Variants in HMCN2 observed in about 807,000 individuals in gnomAD.
HMCN2 encodes hemicentin-2.
Under a neutral mutation model 377.5 loss-of-function variants are expected in HMCN2, and 325 were observed. The observed-to-expected ratio is 0.86, with a 90% CI of 0.79 to 0.94. HMCN2 has a LOEUF of 0.94. Among genes scored for constraint, HMCN2 ranks in the 40% least tolerant of loss-of-function variants. The pLI, the probability that HMCN2 is intolerant of heterozygous loss-of-function variation, is 0.00. For synonymous variants in HMCN2, 2,007 were observed against 2,046.8 expected, an observed-to-expected ratio of 0.98 and a Z score of 0.53; for missense variants, 4,543 against 4,725.3, an observed-to-expected ratio of 0.96 and a Z score of 1.13.
At chr9:130,314,501 G>A (rs1229616423) in intron 15 of HMCN2, among the ~76,000 whole-genome samples, 2 of 152,220 alleles carry the variant, frequency 1.3e-5, no homozygotes, top group Admixed American at 6.5e-5. Context: ...AGGAGTAAAG[G>A]CATCTTGTGG....
At chr9:130,322,292 T>TGTTAGCCCCACAG (rs1837891524) in intron 19 of HMCN2, among the ~76,000 whole-genome samples, 1 of 152,148 alleles carries the variant, frequency 6.6e-6, no homozygotes, top group African/African-American at 2.4e-5. Context: ...ATAAATTACA[T>TGTTAGCCCCACAG]AAAAATTATC....
intron 81 of HMCN2, 85 bp from the exon 82 acceptor site, chr9:130,405,870 C>T: frequency 9.7e-7 from 1 of 1,035,740 alleles, no homozygotes; most frequent in Non-Finnish European, 1.3e-6. Flanking sequence ...GCTGGATGCT[C>T]CATGAGAACC....
At chr9:130,397,078 C>G (rs541810233) in intron 73 of HMCN2, among the ~76,000 whole-genome samples, 12 of 152,290 alleles carry the variant, frequency 7.9e-5, no homozygotes, top group Admixed American at 6.5e-5. Flanking sequence ...TTTCACGTTG[C>G]TGATAAAGAC....
rs758117010 is a variant in HMCN2 at position 130,418,778 on chromosome 9, C to T, written c.12968C>T (p.Pro4323Leu). The T allele has an allele frequency of 1.3e-5, 18 of 1,435,018 alleles. No homozygotes were observed. The highest frequency in any genetic ancestry group is 1.8e-4 in the Middle Eastern group (1 of 5,478). 88.9% of individuals were successfully genotyped at this position (1,435,018 alleles called of 1,614,324 possible). A position where few individuals can be genotyped will look rare whatever the true frequency, so the allele number is the denominator to read the frequency against. ...KVVILVLQSA[P>L]VFQVEPQDMT... The stretch of plus-strand genomic sequence containing the variant: ...CCACCTGGGCCTCCCACAGGTGCTC[C>T]GGTGTTCCAGGTGGAGCCCCAGGAC... Residue 4323 changes from proline (P) to leucine (L), a missense_variant, in exon 86 of 98, where the codon CCG becomes CTG. Pro to Leu is a moderately conservative substitution (Grantham distance 98). Transcript: ENST00000683500.
At position 130,422,650 on chromosome 9, in the gene HMCN2, C is replaced by A. The variant is rs1354996726; in HGVS notation, c.13305C>A (p.Asn4435Lys). 16 of 1,326,588 alleles carry A rather than the reference C, an allele frequency of 1.2e-5. No individual in the cohort carries two copies. In the East Asian group the frequency reaches 4.3e-4, roughly 36 times the overall value. The allele number at this position is 1,326,588 out of a possible 1,614,324, so 82.2% of individuals were successfully genotyped here. The change falls in exon 87 of 98, where the codon AAC (asparagine) becomes AAA (lysine). Residue 4435 changes from asparagine to lysine, a missense_variant. Physicochemically the swap from Asn to Lys is moderately conservative, Grantham distance 94 (BLOSUM62 0). Around this residue, in one of 5 missense-constraint regions of HMCN2, gnomAD observed 1,155 missense variants for 1,157.7 expected, o/e 1.00. Transcript: ENST00000683500. This position sits in a 1 kb window ranked among gnomAD's most constrained non-coding sequence, Gnocchi z 4.2. ...GGAAATTTGGCGTGGCCACACTCAA[C>A]ACCAGCGTGATGCAGGAGGCACACT... ...NGRKFGVATL[N>K]TSVMQEAHSG... is the part of the protein sequence containing the mutation.
At position 130,402,881 on chromosome 9, in the gene HMCN2, T is replaced by G. The variant is rs951560735; in HGVS notation, c.11863T>G (p.Phe3955Val). 1 of 1,289,656 alleles carries G rather than the reference T, an allele frequency of 7.8e-7. No individual in the cohort carries two copies. The highest frequency in any genetic ancestry group is 2.3e-5 in the Admixed American group (1 of 43,560). The allele number at this position is 1,289,656 out of a possible 1,614,324, so 79.9% of individuals were successfully genotyped here. The change falls in exon 78 of 98, where the codon TTC (phenylalanine) becomes GTC (valine). Residue 3955 changes from phenylalanine to valine, a missense_variant. By Grantham distance (50) the Phe-to-Val change is conservative. Around this residue, in one of 5 missense-constraint regions of HMCN2, gnomAD observed 1,073 missense variants for 1,319.5 expected, o/e 0.81. Coordinates refer to ENST00000683500, the MANE Select transcript of HMCN2 (RefSeq NM_001291815.2). ...NSAGVAHKHV[F>V]LTVQASPVVK... ...TGCCGGCGTAGCCCACAAGCACGTC[T>G]TCCTCACTGTGCAAGGTAAGGGTCC...
Position 130,424,991 on chromosome 9 carries a change from G to T in HMCN2, c.13520-18G>T, listed in dbSNP as rs1385005890. 6.5e-7 allele frequency: 1 copy of T among 1,536,044 alleles called. No individual in the cohort carries two copies. The highest frequency in any genetic ancestry group is 2.5e-5 in the East Asian group (1 of 40,740). The stretch of plus-strand genomic sequence containing the variant: ...GACCTCCCGTGGTGACTCTGGGCTG[G>T]GTGGGGATGGTTTGCAGGGGAGCTG... On this transcript the variant is annotated intron_variant, in intron 88 of 97. Coordinates refer to ENST00000683500, the MANE Select transcript of HMCN2 (RefSeq NM_001291815.2).
Position 130,310,080 on chromosome 9 carries a change from T to G in HMCN2, c.2350+19T>G. 1 of 510,978 alleles carries G rather than the reference T, an allele frequency of 2.0e-6. No individual in the cohort carries two copies. The highest frequency in any genetic ancestry group is 4.1e-6 in the Non-Finnish European group (1 of 246,020). 31.7% of individuals were successfully genotyped at this position (510,978 alleles called of 1,614,324 possible). ...GTTGGACGTGAGTGTATACCTTGTC[T>G]CCCCCTCCCCTGCCCATTCCCCTTT... is the stretch of plus-strand genomic sequence containing the variant. On this transcript the variant is annotated intron_variant, in intron 15 of 97. Coordinates refer to ENST00000683500, the MANE Select transcript of HMCN2 (RefSeq NM_001291815.2).
At position 130,299,173 on chromosome 9, in the gene HMCN2, C is replaced by G. The variant is rs547987947; in HGVS notation, c.1161C>G (p.Gly387=). The stretch of plus-strand genomic sequence containing the variant: ...ATGGCTCCACCCATCAGCTGTGGGG[C>G]GGGCCGCCCTTCCACACCCCCAAGG... ...LSNGSTHQLW[G]GPPFHTPKER... The change falls in exon 8 of 98, where the codon GGC becomes GGG. Residue 387 remains glycine (G), a synonymous_variant. Transcript: ENST00000683500. 1 of 471,010 alleles carries G rather than the reference C, an allele frequency of 2.1e-6. No individual in the cohort carries two copies. The highest frequency in any genetic ancestry group is 2.3e-5 in the Admixed American group (1 of 42,560). The allele number at this position is 471,010 out of a possible 1,614,324, so 29.2% of individuals were successfully genotyped here. A position where few individuals can be genotyped will look rare whatever the true frequency, so the allele number is the denominator to read the frequency against.
At chr9:130,338,072 TGTCTCTCAG>T (rs1353128175) in intron 23 of HMCN2, 51 bp downstream of exon 23, 1 of 152,790 alleles carries the variant, frequency 6.5e-6, no homozygotes, top group African/African-American at 2.4e-5. Flanking sequence ...TCACCCTGCC[TGTCTCTCAG>T]GTCTCTCAGT....
In HMCN2 at chr9:130,399,509, A is replaced by G. The variant is rs1842764203; in HGVS notation, c.11484-2A>G. 2 of 1,282,176 alleles carry G rather than the reference A, an allele frequency of 1.6e-6. No individual in the cohort carries two copies. Among genetic ancestry groups the G allele is most frequent in the Admixed American group, 2.3e-5 (1 of 43,158 alleles). 79.4% of individuals were successfully genotyped at this position (1,282,176 alleles called of 1,614,324 possible). Reference sequence around the variant, plus strand: ...ACTTGGCCGTCTGTCTGTCCACCCCAGGCTCCTGCCCTCCAACGCCCTGCT... The same window carrying G: ...ACTTGGCCGTCTGTCTGTCCACCCCGGGCTCCTGCCCTCCAACGCCCTGCT... On this transcript the variant is annotated splice_acceptor_variant, in intron 75 of 97. Coordinates refer to ENST00000683500, the MANE Select transcript of HMCN2 (RefSeq NM_001291815.2). LOFTEE classifies it high-confidence loss of function.
rs1278973363 is a variant in HMCN2, at chr9:130,393,284, C to T, written c.10209C>T (p.Asp3403=). ...CVAASPAGVA[D]RNFTLQVQVP... Reference sequence around the variant, plus strand: ...CCGCAAGCCCAGCTGGCGTGGCGGACAGGAACTTCACCTTGCAGGTGCAGG... The same window carrying T: ...CCGCAAGCCCAGCTGGCGTGGCGGATAGGAACTTCACCTTGCAGGTGCAGG... Residue 3403 remains aspartate (D), a synonymous_variant, in exon 67 of 98, where the codon GAC becomes GAT. Transcript: ENST00000683500. The surrounding 1 kb of genome is among the most constrained non-coding windows in gnomAD (Gnocchi z 5.2). 1 of 988,340 alleles carries T rather than the reference C, an allele frequency of 1.0e-6. No homozygotes were observed. 61.2% of individuals were successfully genotyped at this position (988,340 alleles called of 1,614,324 possible). A position where few individuals can be genotyped will look rare whatever the true frequency, so the allele number is the denominator to read the frequency against.
At chr9:130,273,935 C>G (rs1834539144) in intron 1 of HMCN2, among the ~76,000 whole-genome samples, 1 of 151,910 alleles carries the variant, frequency 6.6e-6, no homozygotes, top group Admixed American at 6.6e-5. Flanking sequence ...CAAGAAAAAG[C>G]AAAAACAAAA....
intron 1 of HMCN2, among the ~76,000 whole-genome samples, chr9:130,270,421 G>C (rs1456446166): frequency 6.8e-6 from 1 of 147,122 alleles, no homozygotes; most frequent in Non-Finnish European, 1.5e-5. Context: ...AAATTGGTAG[G>C]CTGGGCTCAG....
rs1844883191 is a variant in HMCN2, at chr9:130,433,394, T to A, written c.14941T>A (p.Ser4981Thr). 1.3e-6 allele frequency: 2 copies of A among 1,489,208 alleles called. No homozygotes were observed. Among genetic ancestry groups the A allele is most frequent in the African/African-American group, 2.9e-5 (2 of 68,396 alleles). The allele number at this position is 1,489,208 out of a possible 1,614,324, so 92.2% of individuals were successfully genotyped here. ...CSQDCGTGGP[S>T]TLQYRLLPLP... is the part of the protein sequence containing the mutation. ...GCAGGACTGCGGCACGGGCGGCCCC[T>A]CTACGCTGCAGTACCGGCTGCTGCC... The change falls in exon 98 of 98, where the codon TCT (serine) becomes ACT (threonine). Residue 4981 changes from serine (S) to threonine (T), a missense_variant. This residue lies in a region of HMCN2 where 1,155 missense variants were observed against 1,157.7 expected (regional missense o/e 1.00). Transcript: ENST00000683500.
At chr9:130,385,398 T>C (rs1293096628) in intron 59 of HMCN2, among the ~76,000 whole-genome samples, 162 bp from the exon 60 acceptor site, 1 of 151,482 alleles carries the variant, frequency 6.6e-6, no homozygotes, top group Non-Finnish European at 1.5e-5. Context: ...CTTGGCGTGC[T>C]GGCCTGGTTC....
Position 130,353,127 on chromosome 9 carries a change from T to A in HMCN2, c.4786T>A (p.Ser1596Thr). The A allele has an allele frequency of 3.8e-6, 5 of 1,304,090 alleles. No individual in the cohort carries two copies. The highest frequency in any genetic ancestry group is 4.0e-6 in the Non-Finnish European group (4 of 988,910). The allele number at this position is 1,304,090 out of a possible 1,614,324, so 80.8% of individuals were successfully genotyped here. A position where few individuals can be genotyped will look rare whatever the true frequency, so the allele number is the denominator to read the frequency against. The change falls in exon 31 of 98, where the codon TCC (serine) becomes ACC (threonine). Residue 1596 changes from serine (S) to threonine (T), a missense_variant. By Grantham distance (58) the Ser-to-Thr change is moderately conservative. Coordinates refer to ENST00000683500, the MANE Select transcript of HMCN2 (RefSeq NM_001291815.2). ...GTTGCAGCTGGGGAGGGCCCAGAGC[T>A]CCGATGCCGGCGTCTACACCTGCAA... ...RQLQLGRAQS[S>T]DAGVYTCKAS... is the part of the protein sequence containing the mutation.
chr9:130,310,364 T>C (rs1554938682), intron 15 of HMCN2, among the ~76,000 whole-genome samples: 2 of 152,198 alleles, frequency 1.3e-5, no homozygotes, highest in South Asian at 2.1e-4. Flanking sequence ...CATCCTGAGA[T>C]TGAAATCAAT....
At chr9:130,287,097 T>G (rs188422504) in intron 4 of HMCN2, among the ~76,000 whole-genome samples, 1 of 152,230 alleles carries the variant, frequency 6.6e-6, no homozygotes, top group African/African-American at 2.4e-5. Context: ...AAGTCAGAGT[T>G]GGGAAGTGAC....
Sources: allele counts gnomAD v4.1 joint callset (sites outside exome capture counted in the v4.1 genomes callset), GRCh38; gene constraint gnomAD v4.1.1; regional missense constraint gnomAD v4.1.1; non-coding constraint Gnocchi (gnomAD v3.1); transcripts MANE v1.5; gene names NCBI Gene and HGNC (gene_info 2026-07-23, HGNC 2026-07-21).